Variants in PCNX2 observed in about 807,000 individuals in gnomAD.
PCNX2 encodes the protein pecanex-like protein 2.
In PCNX2, 168 loss-of-function variants were observed where a neutral mutation model predicts 223.8. The observed-to-expected ratio is 0.75, with a 90% CI of 0.66 to 0.85. PCNX2 has a LOEUF of 0.85. Among genes scored for constraint, PCNX2 ranks in the 40% least tolerant of loss-of-function variants. PCNX2 has a pLI of 0.00. For synonymous variants in PCNX2, 1,006 were observed against 1,052.6 expected, an observed-to-expected ratio of 0.96 and a Z score of 0.86; for missense variants, 2,507 against 2,675.5, an observed-to-expected ratio of 0.94 and a Z score of 1.39.
At chr1:233,201,025 CAAAAAAAAAAAAAAAAAAA>C (rs760282445) in intron 13 of PCNX2, among the ~76,000 whole-genome samples, 1 of 25,686 alleles carries the variant, frequency 3.9e-5, no homozygotes, top group Non-Finnish European at 7.5e-5. Flanking sequence ...GACTCCGTCT[CAAAAAAAAAAAAAAAAAAA>C]AAAAGTTGGT....
chr1:233,298,963 T>C (rs1256283998), upstream of PCNX2, among the ~76,000 whole-genome samples: 3 of 152,354 alleles, frequency 2.0e-5, no homozygotes, highest in Non-Finnish European at 4.4e-5. Context: ...ATTATAGCTT[T>C]CACTGTAATG....
At chr1:233,194,202 A>AT (rs150184237) in intron 15 of PCNX2, among the ~76,000 whole-genome samples, 2,185 of 152,286 alleles carry the variant, frequency 0.014, 24 homozygotes, top group South Asian at 0.039. Flanking sequence ...ATAACGGCAG[A>AT]TTTTTTTATC....
In PCNX2 at chr1:233,062,763, C is replaced by A. The variant is rs555467429; in HGVS notation, c.4077-5473G>T. ...TGTTATTATGCTAATTGTATTGTTTCTTTGATTTTTAAACACATTACACTA... is the reference window on the plus strand; with the variant it reads ...TGTTATTATGCTAATTGTATTGTTTATTTGATTTTTAAACACATTACACTA... On this transcript the variant is annotated intron_variant, in intron 23 of 33. Coordinates refer to ENST00000258229, the MANE Select transcript of PCNX2 (RefSeq NM_014801.4). 2.6e-5 allele frequency among the ~76,000 whole-genome samples: 4 copies of A among 152,208 alleles called. No individual in the cohort carries two copies. In the South Asian group the frequency reaches 8.3e-4, roughly 32 times the overall value.
chr1:233,059,434 C>T (rs574245446), intron 23 of PCNX2, among the ~76,000 whole-genome samples: 77 of 152,218 alleles, frequency 5.1e-4, no homozygotes, highest in African/African-American at 1.7e-3. Context: ...ATTCTCACGG[C>T]GGATGAGGCA....
At chr1:233,090,254 C>A (rs1372115941) in intron 22 of PCNX2, 64 bp from the exon 23 acceptor site, 4 of 1,557,872 alleles carry the variant, frequency 2.6e-6, no homozygotes, top group Non-Finnish European at 3.5e-6. Context: ...AACATTATTT[C>A]AAATTTTGAT....
chr1:233,134,778 T>G (rs1033990404), intron 21 of PCNX2: 1 of 550,564 alleles, frequency 1.8e-6, no homozygotes, highest in Non-Finnish European at 3.2e-6. Flanking sequence ...AAATTTCAAG[T>G]CACACTAATG....
chr1:233,200,784 G>A (rs1681039773), intron 13 of PCNX2, among the ~76,000 whole-genome samples: 1 of 151,972 alleles, frequency 6.6e-6, no homozygotes, highest in Non-Finnish European at 1.5e-5. Flanking sequence ...CACTTTGGGA[G>A]GCCGAGGTGG....
intron 26 of PCNX2, among the ~76,000 whole-genome samples, chr1:233,020,550 A>C (rs1670841997): frequency 6.6e-6 from 1 of 152,250 alleles, no homozygotes; most frequent in Non-Finnish European, 1.5e-5. Flanking sequence ...GTAGATCAGC[A>C]TATTCTTTCA....
intron 23 of PCNX2, among the ~76,000 whole-genome samples, chr1:233,071,830 T>C (rs904887393): frequency 5.3e-5 from 8 of 152,234 alleles, no homozygotes; most frequent in South Asian, 2.1e-4. Context: ...TTTTTAGTAA[T>C]AGCCATTCTG....
the PCNX2 span, among the ~76,000 whole-genome samples, chr1:233,301,084 T>C: frequency 6.6e-6 from 1 of 152,206 alleles, no homozygotes; most frequent in Non-Finnish European, 1.5e-5. Context: ...GAGGTAATAC[T>C]AGCTGCTAAT....
chr1:233,240,266 T>G (rs78612674), intron 8 of PCNX2, among the ~76,000 whole-genome samples: 1,924 of 152,324 alleles, frequency 0.013, 54 homozygotes, highest in African/African-American at 0.044. Flanking sequence ...AGGAGCGCAA[T>G]CTTTGAATAA....
chr1:233,001,684 G>T lies in PCNX2; in HGVS notation c.4953-3C>A, dbSNP rs764579334. 1.9e-6 allele frequency: 3 copies of T among 1,565,326 alleles called. No individual in the cohort carries two copies. The highest frequency in any genetic ancestry group is 2.6e-6 in the Non-Finnish European group (3 of 1,154,290). On this transcript the variant is annotated splice_region_variant and splice_polypyrimidine_tract_variant and intron_variant, in intron 28 of 33. Coordinates refer to ENST00000258229, the MANE Select transcript of PCNX2 (RefSeq NM_014801.4). The surrounding 1 kb of genome is among the most constrained non-coding windows in gnomAD (Gnocchi z 4.2). ...GGCCATACAGGAAAGAATCCAGGCT[G>T]CAAAACAAAGTCCTATTACTATGGA...
At chr1:233,087,538 T>A (rs758394887) in intron 23 of PCNX2, among the ~76,000 whole-genome samples, 2 of 152,194 alleles carry the variant, frequency 1.3e-5, no homozygotes, top group Non-Finnish European at 2.9e-5. Flanking sequence ...AACTCATTAA[T>A]GAGGATTTGA....
intron 23 of PCNX2, among the ~76,000 whole-genome samples, chr1:233,076,682 A>G (rs1241649947): frequency 1.3e-5 from 2 of 152,246 alleles, no homozygotes; most frequent in African/African-American, 4.8e-5. Context: ...ATCAAATCCA[A>G]CTAAAATTAC....
chr1:233,184,180 T>A (rs1367685479), intron 15 of PCNX2, among the ~76,000 whole-genome samples: 2 of 152,170 alleles, frequency 1.3e-5, no homozygotes, highest in Non-Finnish European at 2.9e-5. Context: ...TGGAAGAAAT[T>A]CCTATGAGAA....
intron 21 of PCNX2, among the ~76,000 whole-genome samples, chr1:233,108,516 A>C (rs1674933775): frequency 6.6e-6 from 1 of 152,224 alleles, no homozygotes; most frequent in African/African-American, 2.4e-5. Flanking sequence ...AGAATTCTAC[A>C]GGGTGTTCAC....
chr1:233,280,088 T>C (rs1331013353), intron 1 of PCNX2, among the ~76,000 whole-genome samples: 1 of 152,090 alleles, frequency 6.6e-6, no homozygotes, highest in Non-Finnish European at 1.5e-5. Context: ...TGGAGATCCC[T>C]CTACAGCAGT....
At chr1:233,290,011 A>C (rs1305332886) in intron 1 of PCNX2, among the ~76,000 whole-genome samples, 3 of 152,174 alleles carry the variant, frequency 2.0e-5, no homozygotes, top group Non-Finnish European at 4.4e-5. Flanking sequence ...GAGGAAGTCT[A>C]GGTGAAGCCT....
At chr1:233,121,300 C>A (rs141508905) in intron 21 of PCNX2, among the ~76,000 whole-genome samples, 251 of 152,154 alleles carry the variant, frequency 1.6e-3, no homozygotes, top group African/African-American at 5.9e-3. Context: ...AAAATCCTAA[C>A]AAGATATTTT....
Sources: allele counts gnomAD v4.1 joint callset (sites outside exome capture counted in the v4.1 genomes callset), GRCh38; gene constraint gnomAD v4.1.1; non-coding constraint Gnocchi (gnomAD v3.1); transcripts MANE v1.5; gene names NCBI Gene and HGNC (gene_info 2026-07-23, HGNC 2026-07-21).